AFF1: variants seen among roughly 807,000 people sequenced by gnomAD.
The protein encoded by AFF1 is AF4/FMR2 family member 1.
In AFF1, 48 loss-of-function variants were observed where a neutral mutation model predicts 121.7. That is an observed-to-expected ratio of 0.39 (90% CI 0.31 to 0.50). The LOEUF is 0.50. Ranked by LOEUF, AFF1 falls within the 20% of genes least tolerant of loss-of-function variation. The pLI is 0.76. For missense variants in AFF1, 1,523 were observed against 1,511.7 expected (o/e 1.01, Z -0.12); for synonymous variants, 613 against 563.0 (o/e 1.09, Z -1.26).
intron 8 of AFF1, among the ~76,000 whole-genome samples, chr4:87,100,487 A>C (rs1725320973): frequency 6.6e-6 from 1 of 152,120 alleles, no homozygotes; most frequent in African/African-American, 2.4e-5. Flanking sequence ...GGCCTTTATC[A>C]GTAGTTTTCC....
At chr4:86,953,844 C>G (rs763512263) in intron 2 of AFF1, among the ~76,000 whole-genome samples, 1 of 149,066 alleles carries the variant, frequency 6.7e-6, no homozygotes, top group Non-Finnish European at 1.5e-5. Flanking sequence ...TTCAGCCTCC[C>G]GAGTAGCTGG....
At chr4:87,025,733 A>G (rs1728465757) in intron 2 of AFF1, among the ~76,000 whole-genome samples, 1 of 152,146 alleles carries the variant, frequency 6.6e-6, no homozygotes, top group African/African-American at 2.4e-5. Context: ...GCCCCACCCT[A>G]AGAATTACCT....
Position 87,136,079 on chromosome 4 carries a change from T to C in AFF1, c.*378T>C. The stretch of plus-strand genomic sequence containing the variant: ...TTCAACTCTGAAAGTGAATTTCACG[T>C]CATCTCAGTAGCCACGCTAGTCCAT... On this transcript the variant is annotated 3_prime_UTR_variant, in exon 21 of 21. Transcript: ENST00000395146. 4.1e-6 allele frequency: 1 copy of C among 244,426 alleles called. No individual in the cohort carries two copies. Among genetic ancestry groups the C allele is most frequent in the East Asian group, 5.9e-5 (1 of 16,828 alleles). 15.1% of individuals were successfully genotyped at this position (244,426 alleles called of 1,614,324 possible).
At chr4:86,990,768 G>A (rs1724639031) in intron 2 of AFF1, among the ~76,000 whole-genome samples, 1 of 152,176 alleles carries the variant, frequency 6.6e-6, no homozygotes, top group African/African-American at 2.4e-5. Flanking sequence ...AAATGCATGA[G>A]TACTGAGAAA....
intron 2 of AFF1, among the ~76,000 whole-genome samples, chr4:87,007,793 TGTCTC>T (rs1726317727): frequency 6.6e-6 from 1 of 152,224 alleles, no homozygotes; most frequent in South Asian, 2.1e-4. Flanking sequence ...TTCTTGCTGT[TGTCTC>T]GAGGGGAAGT....
chr4:86,995,456 C>T (rs372711530), intron 2 of AFF1, among the ~76,000 whole-genome samples: 9,738 of 150,904 alleles, frequency 0.065, 533 homozygotes, highest in African/African-American at 0.15. Context: ...CGATTGCAGG[C>T]GCGCGCCGCC....
chr4:87,059,707 C>T (rs953971995), intron 4 of AFF1, among the ~76,000 whole-genome samples: 1 of 152,194 alleles, frequency 6.6e-6, no homozygotes, highest in Non-Finnish European at 1.5e-5. Context: ...AGTTCTGGCC[C>T]TGCTGCTGGT....
intron 2 of AFF1, among the ~76,000 whole-genome samples, chr4:86,967,121 A>G (rs757538057): frequency 2.0e-5 from 3 of 152,210 alleles, no homozygotes; most frequent in African/African-American, 4.8e-5. Flanking sequence ...TATCAGGGAA[A>G]TACAGGGTTT....
At chr4:87,002,037 A>C (rs187405775) in intron 2 of AFF1, among the ~76,000 whole-genome samples, 2 of 152,306 alleles carry the variant, frequency 1.3e-5, no homozygotes, top group Non-Finnish European at 1.5e-5. Context: ...GTACAAATGC[A>C]TACATTGAAT....
chr4:87,102,562 A>C (rs764186047), intron 8 of AFF1, among the ~76,000 whole-genome samples: 15 of 152,200 alleles, frequency 9.9e-5, no homozygotes, highest in Non-Finnish European at 2.1e-4. Context: ...TTGTAATGAT[A>C]AGCAGTGTCT....
intron 2 of AFF1, among the ~76,000 whole-genome samples, chr4:87,029,140 G>C (rs1728821889): frequency 6.6e-6 from 1 of 152,160 alleles, no homozygotes; most frequent in Non-Finnish European, 1.5e-5. Flanking sequence ...TTTTTATTCT[G>C]TTATCCTCTA....
At chr4:87,048,635 A>T (rs1730961872) in intron 4 of AFF1, among the ~76,000 whole-genome samples, 1 of 152,202 alleles carries the variant, frequency 6.6e-6, no homozygotes, top group Non-Finnish European at 1.5e-5. Context: ...TGGGGGCGTG[A>T]TTCCTACCTG....
intron 12 of AFF1, among the ~76,000 whole-genome samples, chr4:87,116,326 T>G (rs1029394197): frequency 2.0e-5 from 3 of 152,174 alleles, no homozygotes; most frequent in African/African-American, 7.2e-5. Context: ...CTCCTTCCTT[T>G]TATTTTGAAT....
chr4:86,966,335 T>C (rs1487239200), intron 2 of AFF1, among the ~76,000 whole-genome samples: 2 of 152,200 alleles, frequency 1.3e-5, no homozygotes, highest in Admixed American at 6.5e-5. Context: ...GTGATTCTGA[T>C]GAGGCCCTCT....
At chr4:87,098,571 A>G (rs897601284) in intron 8 of AFF1, among the ~76,000 whole-genome samples, 2 of 152,208 alleles carry the variant, frequency 1.3e-5, no homozygotes, top group Non-Finnish European at 2.9e-5. Context: ...GAGGACAAAA[A>G]TGTTAATATT....
intron 12 of AFF1, among the ~76,000 whole-genome samples, chr4:87,124,340 T>G (rs746860356): frequency 9.9e-5 from 15 of 152,210 alleles, no homozygotes; most frequent in Non-Finnish European, 2.1e-4. Flanking sequence ...TTTCAGGGTT[T>G]TTTGAAAAAT....
chr4:87,073,280 C>CAAAAAAAAAAAAAAA (rs55821662), intron 4 of AFF1, among the ~76,000 whole-genome samples: 9 of 83,666 alleles, frequency 1.1e-4, no homozygotes, highest in African/African-American at 3.1e-4. Context: ...GCATTAAAGC[C>CAAAAAAAAAAAAAAA]AAAAAAAAAA....
intron 2 of AFF1, among the ~76,000 whole-genome samples, chr4:87,007,762 C>T (rs1726315118): frequency 1.3e-5 from 2 of 152,142 alleles, no homozygotes; most frequent in East Asian, 3.9e-4. Flanking sequence ...CTTTGTGCGC[C>T]TACCCCTCGG....
intron 2 of AFF1, among the ~76,000 whole-genome samples, chr4:86,964,035 T>A (rs1267840820): frequency 6.8e-6 from 1 of 147,968 alleles, no homozygotes; most frequent in Non-Finnish European, 1.5e-5. Flanking sequence ...CCAAGCTAGT[T>A]CTGAACTCCT....
Sources: allele counts gnomAD v4.1 joint callset (sites outside exome capture counted in the v4.1 genomes callset), GRCh38; gene constraint gnomAD v4.1.1; transcripts MANE v1.5; gene names NCBI Gene and HGNC (gene_info 2026-07-23, HGNC 2026-07-21).